Variants in MTSS1 observed in about 807,000 individuals in gnomAD.
MTSS1 encodes MTSS I-BAR domain containing 1, also known as protein MTSS 1.
A neutral mutation model predicts 79.0 loss-of-function variants in MTSS1; 18 were observed. The ratio of observed to expected loss-of-function variants is 0.23; its 90% confidence interval spans 0.16 to 0.34. The LOEUF is 0.34. MTSS1 is among the 10% of genes least tolerant of loss of function. The pLI, the probability that MTSS1 is intolerant of heterozygous loss-of-function variation, is 1.00. For missense variants in MTSS1, 815 were observed against 986.2 expected, an observed-to-expected ratio of 0.83 and a Z score of 2.33; for synonymous variants, 341 against 368.6, an observed-to-expected ratio of 0.93 and a Z score of 0.86.
chr8:124,708,769 A>C lies in MTSS1; in HGVS notation c.73-4578T>G, dbSNP rs374443171. On this transcript the variant is annotated intron_variant, in intron 1 of 13. Coordinates refer to ENST00000518547, the MANE Select transcript of MTSS1 (RefSeq NM_014751.6). The stretch of plus-strand genomic sequence containing the variant: ...CCCACCTACGAACATCCACCCAGCC[A>C]GAAGGTTGCCCAAAGTAGCTTGCTG... 7.5e-4 allele frequency among the ~76,000 whole-genome samples: 114 copies of C among 152,314 alleles called. 4 individuals are homozygous for C. The South Asian group carries it at 0.023, about 31-fold the overall frequency.
At chr8:124,598,408 G>A (rs1301422970) in intron 3 of MTSS1, among the ~76,000 whole-genome samples, 1 of 152,156 alleles carries the variant, frequency 6.6e-6, no homozygotes, top group African/African-American at 2.4e-5. Flanking sequence ...CTCAAGTCAT[G>A]ACAACTAGAA....
chr8:124,553,603 C>T lies in MTSS1; in HGVS notation c.1657G>A (p.Asp553Asn), dbSNP rs757540011. 14 of 1,614,010 alleles carry T rather than the reference C, an allele frequency of 8.7e-6. No individual in the cohort carries two copies. Among genetic ancestry groups the T allele is most frequent in the African/African-American group, 1.3e-5 (1 of 74,922 alleles). ...ATCCGTCGGTAGGACTGGCTGATGT[C>T]GCTGTTTCTTGGAATGGTGGAGGAC... ...DKSSTIPRNS[D>N]ISQSYRRMFQ... is the part of the protein sequence containing the mutation. Residue 553 changes from aspartate (D) to asparagine (N), a missense_variant, in exon 14 of 14, where the codon GAC (aspartate) becomes AAC (asparagine). Transcript: ENST00000518547. This position sits in a 1 kb window ranked among gnomAD's most constrained non-coding sequence, Gnocchi z 6.0.
chr8:124,590,764 G>T (rs990447845), intron 4 of MTSS1, among the ~76,000 whole-genome samples: 4 of 152,236 alleles, frequency 2.6e-5, no homozygotes, highest in Admixed American at 2.6e-4. Flanking sequence ...ATCCCTCAGT[G>T]AGTCTGGAGG....
At chr8:124,622,785 G>A (rs1458787402) in intron 3 of MTSS1, among the ~76,000 whole-genome samples, 2 of 123,476 alleles carry the variant, frequency 1.6e-5, no homozygotes, top group East Asian at 2.6e-4. Context: ...AGAGCAGGGA[G>A]TCCATCTCAA....
chr8:124,606,261 C>T (rs1383629687), intron 3 of MTSS1, among the ~76,000 whole-genome samples: 3 of 150,170 alleles, frequency 2.0e-5, no homozygotes, highest in African/African-American at 7.4e-5. Context: ...CAACCTCTGC[C>T]TCCTGGGTTC....
intron 3 of MTSS1, among the ~76,000 whole-genome samples, chr8:124,654,773 T>C (rs569837733): frequency 6.6e-6 from 1 of 152,250 alleles, no homozygotes; most frequent in South Asian, 2.1e-4. Flanking sequence ...TTAGTAAACG[T>C]TACAAGCAAC....
chr8:124,680,724 T>C (rs1825992178), intron 3 of MTSS1, among the ~76,000 whole-genome samples: 1 of 152,198 alleles, frequency 6.6e-6, no homozygotes, highest in Non-Finnish European at 1.5e-5. Context: ...TAACAACCTA[T>C]TACATGTGTC....
chr8:124,633,149 A>T (rs1408517101), intron 3 of MTSS1, among the ~76,000 whole-genome samples: 1 of 151,996 alleles, frequency 6.6e-6, no homozygotes, highest in African/African-American at 2.4e-5. Context: ...CATCTGTATA[A>T]GAAATTAAAA....
At chr8:124,601,303 C>T (rs1833772505) in intron 3 of MTSS1, among the ~76,000 whole-genome samples, 1 of 152,114 alleles carries the variant, frequency 6.6e-6, no homozygotes, top group South Asian at 2.1e-4. Context: ...CTCTGGTGAT[C>T]CACCCGCCTT....
intron 1 of MTSS1, among the ~76,000 whole-genome samples, chr8:124,723,211 A>T (rs895084459): frequency 6.6e-6 from 1 of 152,222 alleles, no homozygotes; most frequent in Non-Finnish European, 1.5e-5. Flanking sequence ...TGCAAATTTA[A>T]TGGGAAACCC....
chr8:124,721,996 C>G (rs1833016475), intron 1 of MTSS1, among the ~76,000 whole-genome samples: 2 of 152,162 alleles, frequency 1.3e-5, no homozygotes, highest in Admixed American at 1.3e-4. Flanking sequence ...GGGACCCAGG[C>G]AAAACCTGCT....
chr8:124,681,744 T>C (rs901410316), intron 3 of MTSS1, among the ~76,000 whole-genome samples: 4 of 152,166 alleles, frequency 2.6e-5, no homozygotes, highest in African/African-American at 7.2e-5. Flanking sequence ...GCCGAGATCA[T>C]GCCATTGCAC....
chr8:124,658,416 C>A (rs1330698538), intron 3 of MTSS1, among the ~76,000 whole-genome samples: 1 of 152,166 alleles, frequency 6.6e-6, no homozygotes, highest in African/African-American at 2.4e-5. Context: ...CCTCCCCAGC[C>A]ACGTGGAACT....
At chr8:124,593,700 A>G (rs4871509) in intron 3 of MTSS1, among the ~76,000 whole-genome samples, 95,291 of 152,086 alleles carry the variant, frequency 0.63, 30,624 homozygotes, top group African/African-American at 0.77. Context: ...CTCCAGCCGC[A>G]TCAGTACTGT....
chr8:124,603,623 C>T (rs1408630202), intron 3 of MTSS1, among the ~76,000 whole-genome samples: 3 of 152,092 alleles, frequency 2.0e-5, no homozygotes, highest in African/African-American at 7.2e-5. Flanking sequence ...ATTTGATGCC[C>T]TACATTTGTT....
rs151294575 is a variant in MTSS1, at chr8:124,628,492, C to T, written c.209-37257G>A. Among the ~76,000 whole-genome samples the T allele has an allele frequency of 1.2e-3, 185 of 152,196 alleles. 2 individuals are homozygous for T. Among genetic ancestry groups the T allele is most frequent in the African/African-American group, 4.1e-3 (169 of 41,538 alleles). ...GGAAAGCTCTGTCTTCTGCTCCCCACGGCTCAGCTGTGGAACCTGGAGCTC... is the reference window on the plus strand; with the variant it reads ...GGAAAGCTCTGTCTTCTGCTCCCCATGGCTCAGCTGTGGAACCTGGAGCTC... On this transcript the variant is annotated intron_variant, in intron 3 of 13. Coordinates refer to ENST00000518547, the MANE Select transcript of MTSS1 (RefSeq NM_014751.6).
intron 3 of MTSS1, among the ~76,000 whole-genome samples, chr8:124,687,937 A>G (rs768805321): frequency 1.3e-5 from 2 of 152,226 alleles, no homozygotes; most frequent in Non-Finnish European, 2.9e-5. Flanking sequence ...AAAGGCAGGA[A>G]GAAGCAGCAT....
chr8:124,585,895 G>C (rs957737367), intron 5 of MTSS1, among the ~76,000 whole-genome samples: 1 of 152,144 alleles, frequency 6.6e-6, no homozygotes, highest in Non-Finnish European at 1.5e-5. Flanking sequence ...TCCAGAAAAA[G>C]TGTCTCATAC....
chr8:124,599,482 CAAAAAAA>C (rs202122400), intron 3 of MTSS1, among the ~76,000 whole-genome samples: 4 of 85,746 alleles, frequency 4.7e-5, no homozygotes, highest in African/African-American at 7.2e-5. Context: ...GACTCCGTCT[CAAAAAAA>C]AAAAAAAAAA....
Sources: allele counts gnomAD v4.1 joint callset (sites outside exome capture counted in the v4.1 genomes callset), GRCh38; gene constraint gnomAD v4.1.1; non-coding constraint Gnocchi (gnomAD v3.1); transcripts MANE v1.5; gene names NCBI Gene and HGNC (gene_info 2026-07-23, HGNC 2026-07-21).